Variants in DOCK1 observed in about 807,000 individuals in gnomAD.
The protein encoded by DOCK1 is dedicator of cytokinesis protein 1.
DOCK1 carries 138 observed loss-of-function variants against 262.7 expected under a neutral mutation model. That is an observed-to-expected ratio of 0.53 (90% CI 0.46 to 0.61). The LOEUF (loss-of-function observed/expected upper bound fraction) is 0.61. Ranked by LOEUF, DOCK1 falls within the 20% of genes least tolerant of loss-of-function variation. The pLI, the probability that DOCK1 is intolerant of heterozygous loss-of-function variation, is 0.00. For synonymous variants in DOCK1, 866 were observed against 867.4 expected, an observed-to-expected ratio of 1.00 and a Z score of 0.03; for missense variants, 1,908 against 2,370.7, an observed-to-expected ratio of 0.80 and a Z score of 4.05.
chr10:127,305,475 A>T (rs2061839874), intron 29 of DOCK1, among the ~76,000 whole-genome samples: 1 of 152,124 alleles, frequency 6.6e-6, no homozygotes. Context: ...CCCAACACAC[A>T]TTGCTGGACC....
rs536821424 is a variant in DOCK1, at chr10:127,376,788, TTTTA to T, written c.3675+2578_3675+2581del. On this transcript the variant is annotated intron_variant, in intron 35 of 51. Transcript: ENST00000623213. ...GTCTTCCAACTTTGATGATTGAGACTTTTATTTGTTTTAAGCAAGATCTCTTATG... is the reference window on the plus strand; with the variant it reads ...GTCTTCCAACTTTGATGATTGAGACTTTTGTTTTAAGCAAGATCTCTTATG... Among the ~76,000 whole-genome samples the T allele has an allele frequency of 7.2e-5, 11 of 152,188 alleles. No individual in the cohort carries two copies. In the South Asian group the frequency reaches 2.3e-3, roughly 32 times the overall value.
intron 27 of DOCK1, among the ~76,000 whole-genome samples, chr10:127,214,732 A>AGGC (rs2058131256): frequency 6.6e-6 from 1 of 152,160 alleles, no homozygotes; most frequent in African/African-American, 2.4e-5. Context: ...CAGGTCCTTA[A>AGGC]GGCAGATGAT....
At chr10:127,029,342 C>G (rs1202859095) in intron 16 of DOCK1, among the ~76,000 whole-genome samples, 5 of 152,240 alleles carry the variant, frequency 3.3e-5, no homozygotes, top group African/African-American at 4.8e-5. Flanking sequence ...TTGGTCCCCA[C>G]TTGCTACCCT....
intron 27 of DOCK1, among the ~76,000 whole-genome samples, chr10:127,200,550 C>G (rs1481345390): frequency 2.0e-5 from 3 of 152,032 alleles, no homozygotes; most frequent in Admixed American, 1.3e-4. Flanking sequence ...TCCTGAGTAA[C>G]CTGTAACCAC....
chr10:126,986,191 C>T (rs2134931265), intron 4 of DOCK1, among the ~76,000 whole-genome samples: 1 of 152,250 alleles, frequency 6.6e-6, no homozygotes, highest in East Asian at 1.9e-4. Context: ...GTTTTGCCTG[C>T]ACCCTTCCCT....
chr10:127,335,940 T>C (rs1458446926), intron 29 of DOCK1, among the ~76,000 whole-genome samples: 2 of 151,888 alleles, frequency 1.3e-5, no homozygotes, highest in African/African-American at 4.8e-5. Flanking sequence ...ATGGTTTCGA[T>C]CTCCTGACCT....
chr10:127,061,499 C>A (rs2045527473), intron 22 of DOCK1, among the ~76,000 whole-genome samples, 169 bp from the exon 23 acceptor site: 1 of 152,230 alleles, frequency 6.6e-6, no homozygotes, highest in Non-Finnish European at 1.5e-5. Flanking sequence ...GCTGAGTGGT[C>A]TGCATGAGTC....
chr10:127,095,559 C>T (rs2047856702), intron 23 of DOCK1, among the ~76,000 whole-genome samples: 1 of 152,184 alleles, frequency 6.6e-6, no homozygotes, highest in Admixed American at 6.5e-5. Flanking sequence ...CTACCTGTGG[C>T]CAGAGAGGAG....
chr10:127,338,231 A>G (rs1218259318), intron 29 of DOCK1, among the ~76,000 whole-genome samples: 1 of 152,234 alleles, frequency 6.6e-6, no homozygotes, highest in Admixed American at 6.5e-5. Context: ...GTAGTGGACG[A>G]AGCTTTAGTA....
At chr10:127,435,552 T>G (rs11816982) in intron 48 of DOCK1, among the ~76,000 whole-genome samples, 24,946 of 152,112 alleles carry the variant, frequency 0.16, 2,657 homozygotes, top group East Asian at 0.42. Flanking sequence ...ACAGCAAGAT[T>G]GCTAAAGAAA....
intron 29 of DOCK1, among the ~76,000 whole-genome samples, chr10:127,282,205 T>TTC (rs1280788654): frequency 4.6e-5 from 7 of 151,652 alleles, no homozygotes; most frequent in African/African-American, 7.3e-5. Flanking sequence ...CACTCTTGTG[T>TTC]TCTCTCTCTC....
chr10:127,198,945 A>C (rs1456716475), intron 27 of DOCK1, among the ~76,000 whole-genome samples: 2 of 151,972 alleles, frequency 1.3e-5, no homozygotes, highest in Non-Finnish European at 2.9e-5. Flanking sequence ...GCTGGAGAGA[A>C]GGGAGTTTCA....
intron 21 of DOCK1, among the ~76,000 whole-genome samples, chr10:127,044,703 A>C (rs1029017232): frequency 6.6e-6 from 1 of 152,132 alleles, no homozygotes; most frequent in Non-Finnish European, 1.5e-5. Flanking sequence ...TCAGAAGATG[A>C]GAGGCATGAA....
intron 23 of DOCK1, among the ~76,000 whole-genome samples, chr10:127,066,336 C>T (rs369731722): frequency 2.0e-5 from 3 of 151,072 alleles, no homozygotes; most frequent in South Asian, 2.1e-4. Context: ...CCCAGTTCTT[C>T]GTCTTGAAAT....
At chr10:126,930,492 C>T (rs1403480667) in intron 1 of DOCK1, among the ~76,000 whole-genome samples, 1 of 152,242 alleles carries the variant, frequency 6.6e-6, no homozygotes, top group Non-Finnish European at 1.5e-5. Flanking sequence ...AGGTGCCCTT[C>T]CCGGGTGGGT....
intron 27 of DOCK1, among the ~76,000 whole-genome samples, chr10:127,164,350 A>G (rs919842967): frequency 6.6e-6 from 1 of 150,448 alleles, no homozygotes; most frequent in Non-Finnish European, 1.5e-5. Flanking sequence ...CACCCCACTA[A>G]TTTTTGTATT....
chr10:126,995,534 G>A lies in DOCK1; in HGVS notation c.474-1214G>A, dbSNP rs1041121636. Among the ~76,000 whole-genome samples the A allele has an allele frequency of 3.1e-4, 47 of 152,188 alleles. 1 individual carries two copies. Among genetic ancestry groups the A allele is most frequent in the African/African-American group, 1.1e-3 (44 of 41,448 alleles). On this transcript the variant is annotated intron_variant, in intron 6 of 51. Transcript: ENST00000623213. The surrounding 1 kb of genome is among the most constrained non-coding windows in gnomAD (Gnocchi z 5.8). ...GCGCGCCTGCAATCCCAGGCACTCCGCAGGCTGAGGCAGGAGAATCAGGCA... is the reference window on the plus strand; with the variant it reads ...GCGCGCCTGCAATCCCAGGCACTCCACAGGCTGAGGCAGGAGAATCAGGCA...
intron 50 of DOCK1, 35 bp downstream of exon 50, chr10:127,444,314 A>G: frequency 1.3e-6 from 2 of 1,554,106 alleles, no homozygotes; most frequent in Non-Finnish European, 1.7e-6. Context: ...GAATCGTGCT[A>G]TAGCTCCGTG....
rs150216102 is a variant in DOCK1, at chr10:127,296,248, T to A, written c.3044+38819T>A. Among the ~76,000 whole-genome samples the A allele has an allele frequency of 5.3e-3, 810 of 152,310 alleles. 11 individuals carry two copies. Among genetic ancestry groups the A allele is most frequent in the African/African-American group, 0.019 (770 of 41,558 alleles). On this transcript the variant is annotated intron_variant, in intron 29 of 51. Transcript: ENST00000623213. ...TTGTTTTTCACATAGATTCTTACAA[T>A]GCAACAAAGCATCACAGTTACTCAC... is the stretch of plus-strand genomic sequence containing the variant.
Sources: allele counts gnomAD v4.1 joint callset (sites outside exome capture counted in the v4.1 genomes callset), GRCh38; gene constraint gnomAD v4.1.1; non-coding constraint Gnocchi (gnomAD v3.1); transcripts MANE v1.5; gene names NCBI Gene and HGNC (gene_info 2026-07-23, HGNC 2026-07-21).